Variants in DSCAM observed in about 807,000 individuals in gnomAD.
DSCAM encodes DS cell adhesion molecule.
Under a neutral mutation model 217.7 loss-of-function variants are expected in DSCAM, and 47 were observed. The observed-to-expected ratio is 0.22, with a 90% CI of 0.17 to 0.28. The LOEUF (loss-of-function observed/expected upper bound fraction) is 0.28. Among genes scored for constraint, DSCAM ranks in the 10% least tolerant of loss-of-function variants. DSCAM has a pLI of 1.00. For missense variants in DSCAM, 2,080 were observed against 2,618.3 expected (o/e 0.79, Z 4.49); for synonymous variants, 1,056 against 1,015.3 (o/e 1.04, Z -0.76).
chr21:40,769,280 G>A (rs1248163281), intron 1 of DSCAM, among the ~76,000 whole-genome samples: 2 of 152,244 alleles, frequency 1.3e-5, no homozygotes, highest in East Asian at 3.8e-4. Flanking sequence ...CAAAGATGGT[G>A]CAGCACAGAA....
chr21:40,655,304 C>G (rs1368461743), intron 3 of DSCAM, among the ~76,000 whole-genome samples: 2 of 152,208 alleles, frequency 1.3e-5, no homozygotes, highest in African/African-American at 4.8e-5. Context: ...GTTCTAAAGG[C>G]TGGGAAGTCC....
intron 20 of DSCAM, among the ~76,000 whole-genome samples, chr21:40,112,073 A>G (rs936738535): frequency 6.6e-6 from 1 of 151,164 alleles, no homozygotes; most frequent in African/African-American, 2.4e-5. Flanking sequence ...GACCTAATAG[A>G]CATCTACAGA....
chr21:40,242,500 C>T (rs1367418447), intron 11 of DSCAM, among the ~76,000 whole-genome samples: 2 of 152,176 alleles, frequency 1.3e-5, no homozygotes, highest in African/African-American at 4.8e-5. Context: ...CATGTGGTAC[C>T]ATGTGTGTCT....
At chr21:40,807,039 C>T (rs1200901778) in intron 1 of DSCAM, among the ~76,000 whole-genome samples, 2 of 152,118 alleles carry the variant, frequency 1.3e-5, no homozygotes, top group African/African-American at 4.8e-5. Context: ...AGCAAACCAC[C>T]ATAGCATGTG....
At chr21:40,393,458 G>A (rs1418975060) in intron 3 of DSCAM, among the ~76,000 whole-genome samples, 6 of 152,064 alleles carry the variant, frequency 3.9e-5, no homozygotes, top group East Asian at 1.9e-4. Flanking sequence ...AAATGTATAT[G>A]TTTTTATAGG....
intron 19 of DSCAM, among the ~76,000 whole-genome samples, chr21:40,132,517 G>C (rs1325862983): frequency 6.6e-6 from 1 of 152,172 alleles, no homozygotes; most frequent in African/African-American, 2.4e-5. Context: ...GAGCAGAACT[G>C]GCTGACACCT....
chr21:40,803,773 G>A (rs1601285553), intron 1 of DSCAM, among the ~76,000 whole-genome samples: 1 of 151,330 alleles, frequency 6.6e-6, no homozygotes, highest in Non-Finnish European at 1.5e-5. Flanking sequence ...AGGGAAGAAT[G>A]GGGAAAAAAA....
chr21:40,163,257 A>G (rs759275667), intron 16 of DSCAM, among the ~76,000 whole-genome samples: 3 of 152,214 alleles, frequency 2.0e-5, no homozygotes, highest in Non-Finnish European at 4.4e-5. Flanking sequence ...ATTTTCTGAA[A>G]AACCAAAGAA....
intron 3 of DSCAM, among the ~76,000 whole-genome samples, chr21:40,687,627 AGCCTT>A (rs1310169291): frequency 6.6e-6 from 1 of 152,168 alleles, no homozygotes; most frequent in Non-Finnish European, 1.5e-5. Context: ...GCTTAAGGGC[AGCCTT>A]GTCTAATTTG....
At chr21:40,517,430 C>CACAG in intron 3 of DSCAM, among the ~76,000 whole-genome samples, 1 of 151,432 alleles carries the variant, frequency 6.6e-6, no homozygotes, top group Non-Finnish European at 1.5e-5. Flanking sequence ...CACACACACA[C>CACAG]ACACACAGAC....
chr21:40,295,957 T>C, intron 10 of DSCAM, 98 bp downstream of exon 10: 1 of 1,433,192 alleles, frequency 7.0e-7, no homozygotes, highest in African/African-American at 1.4e-5. Flanking sequence ...ACGTATCTAC[T>C]TGCAAGAAAC....
At chr21:40,662,804 G>A (rs1054715388) in intron 3 of DSCAM, among the ~76,000 whole-genome samples, 10 of 152,094 alleles carry the variant, frequency 6.6e-5, no homozygotes, top group African/African-American at 1.9e-4. Context: ...AGCACCCTGC[G>A]GGCATCTTGA....
At position 40,312,378 on chromosome 21, in the gene DSCAM, A is replaced by G. The variant is rs1390085183; in HGVS notation, c.1784-19T>C. ...GGCGGAACTGCAAGAAAAAAGAAAG[A>G]TAATAACGAACTGTGCTTATTCTAC... On this transcript the variant is annotated intron_variant, in intron 8 of 32. Coordinates refer to ENST00000400454, the MANE Select transcript of DSCAM (RefSeq NM_001389.5). 3 of 1,610,206 alleles carry G rather than the reference A, an allele frequency of 1.9e-6. No homozygotes were observed. The highest frequency in any genetic ancestry group is 1.3e-5 in the African/African-American group (1 of 74,736).
At chr21:40,758,668 G>T (rs2091300174) in intron 1 of DSCAM, among the ~76,000 whole-genome samples, 1 of 152,082 alleles carries the variant, frequency 6.6e-6, no homozygotes, top group African/African-American at 2.4e-5. Context: ...GCCAACTCCG[G>T]TTTTGTCATC....
At chr21:40,222,267 C>T (rs188709236) in intron 11 of DSCAM, among the ~76,000 whole-genome samples, 131 of 152,270 alleles carry the variant, frequency 8.6e-4, no homozygotes, top group African/African-American at 3.0e-3. Context: ...TGGAGTGCAT[C>T]AACATTTGGA....
intron 11 of DSCAM, among the ~76,000 whole-genome samples, chr21:40,228,886 G>A (rs1331660319): frequency 6.6e-6 from 1 of 152,052 alleles, no homozygotes; most frequent in African/African-American, 2.4e-5. Context: ...AAAAAAATGT[G>A]TGTATACTAA....
intron 3 of DSCAM, among the ~76,000 whole-genome samples, chr21:40,595,975 G>C (rs2077018659): frequency 6.6e-6 from 1 of 152,182 alleles, no homozygotes; most frequent in Admixed American, 6.5e-5. Flanking sequence ...GAGTGCATGT[G>C]CGTGTCTGGA....
At chr21:40,831,305 A>G (rs542693817) in intron 1 of DSCAM, among the ~76,000 whole-genome samples, 6 of 77,588 alleles carry the variant, frequency 7.7e-5, no homozygotes, top group Admixed American at 3.7e-4. Flanking sequence ...TGGCACAGGT[A>G]TGCACACACA....
chr21:40,530,155 A>G (rs1390073971), intron 3 of DSCAM, among the ~76,000 whole-genome samples: 1 of 152,146 alleles, frequency 6.6e-6, no homozygotes, highest in Non-Finnish European at 1.5e-5. Flanking sequence ...GCACCATTCC[A>G]TGGTCATTGT....
Sources: gnomAD v4.1 joint callset for allele counts (sites outside exome capture counted in the v4.1 genomes callset) on GRCh38, gnomAD v4.1.1 for gene constraint, MANE v1.5 for transcripts, NCBI Gene and HGNC (gene_info 2026-07-23, HGNC 2026-07-21) for gene names.